PACRG: variants seen among roughly 807,000 people sequenced by gnomAD.
The protein encoded by PACRG is parkin coregulated.
PACRG carries 29 observed loss-of-function variants against 29.7 expected under a neutral mutation model. The ratio of observed to expected loss-of-function variants is 0.98; its 90% CI spans 0.73 to 1.33. The LOEUF (loss-of-function observed/expected upper bound fraction) is 1.33. Among genes scored for constraint, PACRG ranks in the 40% most tolerant of loss-of-function variants. The probability of loss-of-function intolerance (pLI) is 0.00; values close to 1 mark genes in which losing one functional copy is unlikely to be tolerated. For synonymous variants in PACRG, 116 were observed against 118.7 expected (o/e 0.98, Z 0.15); for missense variants, 279 against 316.2 (o/e 0.88, Z 0.89).
chr6:162,824,430 AT>A (rs1788104517), intron 2 of PACRG, among the ~76,000 whole-genome samples: 2 of 152,160 alleles, frequency 1.3e-5, no homozygotes, highest in South Asian at 4.1e-4. Flanking sequence ...TGGTTTTCCA[AT>A]CCAATTCCAT....
Position 162,808,647 on chromosome 6 carries a change from C to T in PACRG, c.157-5500C>T, listed in dbSNP as rs184476439. Among the ~76,000 whole-genome samples, 119 of 152,246 alleles carry T rather than the reference C, an allele frequency of 7.8e-4. No individual in the cohort carries two copies. The East Asian group carries it at 0.012, about 15-fold the overall frequency. On this transcript the variant is annotated intron_variant, in intron 1 of 4. Coordinates refer to ENST00000366888, the MANE Select transcript of PACRG (RefSeq NM_001080379.2). Reference sequence around the variant, plus strand: ...TTCTGTCATCTGTAGTTATTTCAAACTGCATTCAATATCTTGGTTCCCAAG... The same window carrying T: ...TTCTGTCATCTGTAGTTATTTCAAATTGCATTCAATATCTTGGTTCCCAAG...
chr6:162,800,237 C>G (rs1289150787), intron 1 of PACRG, among the ~76,000 whole-genome samples: 1 of 152,100 alleles, frequency 6.6e-6, no homozygotes, highest in Non-Finnish European at 1.5e-5. Context: ...CTTTAACTGT[C>G]AAGAATTTTT....
chr6:162,856,347 C>A (rs1257067909), intron 2 of PACRG, among the ~76,000 whole-genome samples: 2 of 152,196 alleles, frequency 1.3e-5, no homozygotes, highest in African/African-American at 4.8e-5. Flanking sequence ...GCATGAGCCA[C>A]CGCACCTGGC....
At chr6:163,123,655 A>G (rs1003135342) in intron 4 of PACRG, among the ~76,000 whole-genome samples, 5 of 152,186 alleles carry the variant, frequency 3.3e-5, no homozygotes, top group Non-Finnish European at 2.9e-5. Context: ...GCAACTCTGC[A>G]TATGCCCCCT....
rs113590842 is a variant in PACRG at position 162,730,653 on chromosome 6, A to G, written c.156+2262A>G. Among the ~76,000 whole-genome samples the G allele has an allele frequency of 8.3e-3, 1,265 of 152,348 alleles. 20 individuals are homozygous for G. The highest frequency in any genetic ancestry group is 0.037 in the South Asian group (178 of 4,832). ...TGGATATGAGAGTGCAAGATTATTG[A>G]AAAAATAATGATAAATGTAAATGGC... is the stretch of plus-strand genomic sequence containing the variant. On this transcript the variant is annotated intron_variant, in intron 1 of 4. Transcript: ENST00000366888.
intron 1 of PACRG, among the ~76,000 whole-genome samples, chr6:162,746,954 C>T (rs1041527947): frequency 6.6e-6 from 1 of 152,090 alleles, no homozygotes; most frequent in Non-Finnish European, 1.5e-5. Context: ...ACACTTGATA[C>T]TGCAACAAAT....
At chr6:163,104,445 T>TA (rs1243088530) in intron 4 of PACRG, among the ~76,000 whole-genome samples, 1 of 152,148 alleles carries the variant, frequency 6.6e-6, no homozygotes, top group African/African-American at 2.4e-5. Context: ...AATTTATTTT[T>TA]AAAAAGAAGT....
intron 1 of PACRG, among the ~76,000 whole-genome samples, chr6:162,746,854 G>A (rs949662402): frequency 2.6e-5 from 4 of 152,094 alleles, no homozygotes; most frequent in South Asian, 2.1e-4. Flanking sequence ...TAATTGACTA[G>A]GATCTTGCAG....
intron 1 of PACRG, among the ~76,000 whole-genome samples, chr6:162,758,483 G>C (rs1584260046): frequency 6.6e-6 from 1 of 152,168 alleles, no homozygotes; most frequent in Non-Finnish European, 1.5e-5. Flanking sequence ...TCTTCAACCA[G>C]TTGCCATATG....
At chr6:162,773,494 A>ATTTTTTTTTTTT (rs71008110) in intron 1 of PACRG, among the ~76,000 whole-genome samples, 5 of 66,024 alleles carry the variant, frequency 7.6e-5, no homozygotes, top group Admixed American at 5.7e-4. Context: ...ACAGCTTGTC[A>ATTTTTTTTTTTT]TTTTTTTTTT....
At position 163,284,645 on chromosome 6, in the gene PACRG, C is replaced by T. The variant is rs140094798; in HGVS notation, c.614-30182C>T. ...TGAAACACATGACATCACATAAGTG[C>T]TCTTCCAGCATCTTGATGGTATTTG... On this transcript the variant is annotated intron_variant, in intron 4 of 4. Coordinates refer to ENST00000366888, the MANE Select transcript of PACRG (RefSeq NM_001080379.2). Among the ~76,000 whole-genome samples the T allele has an allele frequency of 4.6e-5, 7 of 152,266 alleles. No homozygotes were observed. The East Asian group carries it at 1.2e-3, about 25-fold the overall frequency.
At chr6:162,804,450 G>C (rs1786146118) in intron 1 of PACRG, among the ~76,000 whole-genome samples, 1 of 152,132 alleles carries the variant, frequency 6.6e-6, no homozygotes, top group South Asian at 2.1e-4. Context: ...CTGACATGGT[G>C]ATTTCCAGCC....
chr6:163,224,418 T>C lies in PACRG; in HGVS notation c.614-90409T>C, dbSNP rs534093950. On this transcript the variant is annotated intron_variant, in intron 4 of 4. Transcript: ENST00000366888. Reference sequence around the variant, plus strand: ...AAGAACAAAGCTGGAGTCACCACACTGCCTGATTTCCAAATACACTACAAA... The same window carrying C: ...AAGAACAAAGCTGGAGTCACCACACCGCCTGATTTCCAAATACACTACAAA... Among the ~76,000 whole-genome samples, 61 of 132,020 alleles carry C rather than the reference T, an allele frequency of 4.6e-4. No homozygotes were observed. The South Asian group carries it at 0.015, about 32-fold the overall frequency. The allele number at this position is 132,020 out of a possible 152,430, so 86.6% of individuals were successfully genotyped here.
chr6:163,113,286 A>T (rs1318225538), intron 4 of PACRG, among the ~76,000 whole-genome samples: 1 of 152,210 alleles, frequency 6.6e-6, no homozygotes, highest in African/African-American at 2.4e-5. Context: ...CAGCATGTTC[A>T]TTGTGGGATT....
At chr6:162,768,466 ATTAT>A (rs923336048) in intron 1 of PACRG, among the ~76,000 whole-genome samples, 4 of 152,042 alleles carry the variant, frequency 2.6e-5, no homozygotes, top group African/African-American at 9.7e-5. Flanking sequence ...CATTAGAAAC[ATTAT>A]TTATTGCATT....
chr6:162,957,287 C>T, intron 2 of PACRG: 1 of 554,846 alleles, frequency 1.8e-6, no homozygotes, highest in Non-Finnish European at 3.4e-6. Flanking sequence ...ATTTTCTGCT[C>T]CTCGATAAAG....
intron 4 of PACRG, among the ~76,000 whole-genome samples, chr6:163,119,652 C>G (rs1446920915): frequency 6.6e-6 from 1 of 152,122 alleles, no homozygotes; most frequent in South Asian, 2.1e-4. Flanking sequence ...GTAACCTGTG[C>G]TTTTTGTTTA....
chr6:162,829,857 C>T (rs1034043594), intron 2 of PACRG, among the ~76,000 whole-genome samples: 8 of 152,094 alleles, frequency 5.3e-5, no homozygotes, highest in South Asian at 2.1e-4. Context: ...ATTTGGGGAT[C>T]GCTGTCCTGA....
In PACRG at chr6:163,207,330, A is replaced by T. The variant is rs149310533; in HGVS notation, c.614-107497A>T. On this transcript the variant is annotated intron_variant, in intron 4 of 4. Transcript: ENST00000366888. ...AGCCTATTAAGTTTCTCCAAATGGA[A>T]CAGGTGATACCCAGGGTTTCAAAAG... Among the ~76,000 whole-genome samples the T allele has an allele frequency of 3.3e-5, 5 of 152,340 alleles. No homozygotes were observed. The East Asian group carries it at 9.6e-4, about 29-fold the overall frequency.
Sources: gnomAD v4.1 joint callset for allele counts (sites outside exome capture counted in the v4.1 genomes callset) on GRCh38, gnomAD v4.1.1 for gene constraint, MANE v1.5 for transcripts, NCBI Gene and HGNC (gene_info 2026-07-23, HGNC 2026-07-21) for gene names.